GLYR1: variants seen among roughly 807,000 people sequenced by gnomAD.
GLYR1 encodes cytokine-like nuclear factor N-PAC.
GLYR1 carries 21 observed loss-of-function variants against 72.7 expected under a neutral mutation model. The ratio of observed to expected loss-of-function variants is 0.29; its 90% CI spans 0.20 to 0.42. The LOEUF (loss-of-function observed/expected upper bound fraction) is 0.42. Ranked by LOEUF, GLYR1 falls within the 10% of genes least tolerant of loss-of-function variation. The pLI is 1.00. For synonymous variants in GLYR1, 392 were observed against 270.2 expected, an observed-to-expected ratio of 1.45 and a Z score of -4.42; for missense variants, 594 against 712.1, an observed-to-expected ratio of 0.83 and a Z score of 1.89.
intron 2 of GLYR1, 140 bp from the exon 3 acceptor site, chr16:4,845,293 T>C (rs2085923990): frequency 4.8e-6 from 3 of 619,518 alleles, no homozygotes; most frequent in Admixed American, 5.8e-5. Flanking sequence ...TTTATTTATA[T>C]ACAAAACAGA....
At chr16:4,827,756 C>T (rs1293918673) in intron 5 of GLYR1, among the ~76,000 whole-genome samples, 12 of 151,862 alleles carry the variant, frequency 7.9e-5, no homozygotes, top group African/African-American at 1.7e-4. Context: ...AAAAATTAGC[C>T]GGGCGTGGTG....
intron 10 of GLYR1, 74 bp from the exon 11 acceptor site, chr16:4,814,721 C>T: frequency 1.7e-6 from 2 of 1,189,736 alleles, no homozygotes; most frequent in Non-Finnish European, 2.5e-6. Context: ...CAGAGAATTG[C>T]TGACCAGGCC....
intron 3 of GLYR1, among the ~76,000 whole-genome samples, chr16:4,833,674 T>G (rs1302806317): frequency 6.6e-6 from 1 of 151,826 alleles, no homozygotes; most frequent in Non-Finnish European, 1.5e-5. Flanking sequence ...ACAAGATGCT[T>G]GAGATTAAAG....
intron 3 of GLYR1, among the ~76,000 whole-genome samples, chr16:4,841,600 G>A (rs181445769): frequency 1.3e-5 from 2 of 151,438 alleles, no homozygotes; most frequent in East Asian, 3.9e-4. Flanking sequence ...AGCCATGTCC[G>A]TGATACTGCA....
At chr16:4,838,661 A>T (rs2085324822) in intron 3 of GLYR1, among the ~76,000 whole-genome samples, 3 of 151,456 alleles carry the variant, frequency 2.0e-5, no homozygotes, top group African/African-American at 7.3e-5. Flanking sequence ...ATCTCGACTT[A>T]CGGCAAGCTC....
chr16:4,843,419 T>C, intron 3 of GLYR1: 8 of 1,165,694 alleles, frequency 6.9e-6, no homozygotes, highest in Non-Finnish European at 8.7e-6. Context: ...CCTCCCAAAG[T>C]ACTGGGATTG....
At position 4,822,889 on chromosome 16, in the gene GLYR1, T is replaced by A. The variant is rs747410494; in HGVS notation, c.667A>T (p.Ser223Cys). Residue 223 changes from serine to cysteine, a missense_variant, in exon 7 of 16, where the codon AGC (serine) becomes TGC (cysteine). Around this residue, in one of 5 missense-constraint regions of GLYR1, gnomAD observed 252 missense variants for 211.3 expected, o/e 1.19. Transcript: ENST00000321919. ...AGGCAACTCACCTTCTCTGTTTGGC[T>A]TAGCAGGAAATGATGGAAATGAGGA... Reference protein sequence around the residue: ...ADPHFHHFLLSQTEKPAVCYQ... With the variant: ...ADPHFHHFLLCQTEKPAVCYQ... 4 of 1,614,036 alleles carry A rather than the reference T, an allele frequency of 2.5e-6. No homozygotes were observed. The African/African-American group carries it at 5.3e-5, about 22-fold the overall frequency.
chr16:4,832,890 G>A lies in GLYR1; in HGVS notation c.178C>T (p.Leu60=). ...EDHAWIKVEQ[L]KPYHAHKEEM... is the part of the protein sequence containing the mutation. ...TCTTTATGAGCATGATATGGCTTCAGCTGTTCCACTTTGATCCAGGCACTA... is the reference window on the plus strand; with the variant it reads ...TCTTTATGAGCATGATATGGCTTCAACTGTTCCACTTTGATCCAGGCACTA... The change falls in exon 4 of 16, where the codon CTG becomes TTG. Residue 60 remains leucine, a synonymous_variant. Transcript: ENST00000321919. 1 of 1,612,476 alleles carries A rather than the reference G, an allele frequency of 6.2e-7. No individual in the cohort carries two copies. Among genetic ancestry groups the A allele is most frequent in the Non-Finnish European group, 8.5e-7 (1 of 1,179,320 alleles).
At chr16:4,811,423 C>T (rs2083316769) in intron 14 of GLYR1, 129 bp from the exon 15 acceptor site, 2 of 1,319,660 alleles carry the variant, frequency 1.5e-6, no homozygotes, top group South Asian at 2.7e-5. Flanking sequence ...CCTCTTGGCT[C>T]CTCACTCACC....
intron 15 of GLYR1, among the ~76,000 whole-genome samples, chr16:4,805,568 C>T (rs1285412921): frequency 6.6e-6 from 1 of 152,242 alleles, no homozygotes; most frequent in African/African-American, 2.4e-5. Flanking sequence ...ATAAAACATT[C>T]AGCATTGGCC....
chr16:4,812,163 A>T lies in GLYR1; in HGVS notation c.1205T>A (p.Leu402Ter). ...ATATAAGCCCCTGTCTCCAGCCGCT[A>T]AGATCACCAACATCCCGTCATTAGA... The part of the protein sequence containing the change: ...QLSNDGMLVI[L>*]AAGDRGLYED... The change falls in exon 13 of 16, where the codon TTA becomes TAA. Residue 402 changes from leucine to a stop codon, truncating the protein, a stop_gained. Coordinates refer to ENST00000321919, the MANE Select transcript of GLYR1 (RefSeq NM_032569.4). LOFTEE classifies it high-confidence loss of function. 6.2e-7 allele frequency: 1 copy of T among 1,614,164 alleles called. No individual in the cohort carries two copies. The highest frequency in any genetic ancestry group is 8.5e-7 in the Non-Finnish European group (1 of 1,180,018).
At chr16:4,846,905 C>T (rs1393252560) in intron 1 of GLYR1, 9 of 427,390 alleles carry the variant, frequency 2.1e-5, no homozygotes, top group Admixed American at 1.4e-4. Flanking sequence ...AACAAGACCC[C>T]GGGGACCGGT....
chr16:4,840,370 A>G (rs2085459987), intron 3 of GLYR1: 1 of 152,210 alleles, frequency 6.6e-6, no homozygotes, highest in Non-Finnish European at 1.5e-5. Flanking sequence ...CTTTGAAAGC[A>G]TGATCTGAAG....
intron 4 of GLYR1, 48 bp downstream of exon 4, chr16:4,832,726 A>G: frequency 2.6e-6 from 4 of 1,560,364 alleles, no homozygotes; most frequent in Non-Finnish European, 3.5e-6. Context: ...TTGCTATGCA[A>G]AAATCACCAG....
rs1037083090 is a variant in GLYR1 at position 4,811,970 on chromosome 16, G to C, written c.1282+116C>G. ...CCACGCACTGACTATGCAGGTGAAA[G>C]GAAACCTTCCCCAGGGTCCCCGGCA... On this transcript the variant is annotated intron_variant, in intron 13 of 15. Coordinates refer to ENST00000321919, the MANE Select transcript of GLYR1 (RefSeq NM_032569.4). 7.5e-6 allele frequency: 11 copies of C among 1,469,108 alleles called. No homozygotes were observed. In the African/African-American group the frequency reaches 1.4e-4, roughly 19 times the overall value. 91.0% of individuals were successfully genotyped at this position (1,469,108 alleles called of 1,614,324 possible). A position where few individuals can be genotyped will look rare whatever the true frequency, so the allele number is the denominator to read the frequency against.
chr16:4,821,103 A>C (rs1391757719), intron 9 of GLYR1: 1 of 528,022 alleles, frequency 1.9e-6, no homozygotes, highest in Non-Finnish European at 3.4e-6. Flanking sequence ...ACTGTCAGGC[A>C]CAGGAAAGTC....
intron 5 of GLYR1, among the ~76,000 whole-genome samples, chr16:4,825,522 G>A (rs1165071743): frequency 6.6e-6 from 1 of 152,194 alleles, no homozygotes; most frequent in Admixed American, 6.5e-5. Context: ...AGAACATGAT[G>A]CTGATGTGGA....
chr16:4,821,529 G>C lies in GLYR1; in HGVS notation c.732+18C>G. On this transcript the variant is annotated intron_variant, in intron 8 of 15. Transcript: ENST00000321919. ...CCCCAGGTGAAAATTAAAATGGGGA[G>C]GCATGGAGCCTACATACCTCTTCAC... 6.2e-7 allele frequency: 1 copy of C among 1,613,776 alleles called. No individual in the cohort carries two copies.
rs2085704869 is a variant in GLYR1, at chr16:4,843,365, G to A, written c.155+1709C>T. 6.2e-6 allele frequency: 4 copies of A among 640,980 alleles called. No homozygotes were observed. The South Asian group carries it at 7.8e-5, about 13-fold the overall frequency. The allele number at this position is 640,980 out of a possible 1,614,324, so 39.7% of individuals were successfully genotyped here. On this transcript the variant is annotated intron_variant, in intron 3 of 15. Coordinates refer to ENST00000321919, the MANE Select transcript of GLYR1 (RefSeq NM_032569.4). The stretch of plus-strand genomic sequence containing the variant: ...AGACGGGGTTTTGCCATGTTGGCCA[G>A]GATGGTCTCGAACTCATGACCTCCA...
Sources: gnomAD v4.1 joint callset for allele counts (sites outside exome capture counted in the v4.1 genomes callset) on GRCh38, gnomAD v4.1.1 for gene constraint, gnomAD v4.1.1 regional missense constraint, MANE v1.5 for transcripts, NCBI Gene and HGNC (gene_info 2026-07-23, HGNC 2026-07-21) for gene names.